CENPI: variants seen among roughly 807,000 people sequenced by gnomAD.
CENPI encodes the protein centromere protein I, also known as FSH primary response 1.
Under a neutral mutation model 60.4 loss-of-function variants are expected in CENPI, and 4 were observed. The ratio of observed to expected loss-of-function variants is 0.07; its 90% confidence interval spans 0.03 to 0.15. The LOEUF is 0.15. Among genes scored for constraint, CENPI ranks in the 10% least tolerant of loss-of-function variants. The probability of loss-of-function intolerance (pLI) is 1.00; values close to 1 mark genes in which losing one functional copy is unlikely to be tolerated. For missense variants in CENPI, 444 were observed against 534.5 expected (o/e 0.83, Z 1.67); for synonymous variants, 157 against 189.4 (o/e 0.83, Z 1.40).
chrX:101,162,709 C>A, intron 21 of CENPI, 124 bp from the exon 22 acceptor site: 1 of 717,441 alleles, frequency 1.4e-6, no homozygotes. Flanking sequence ...CTCATTTCCC[C>A]CCCGAACTAA....
intron 16 of CENPI, among the ~76,000 whole-genome samples, chrX:101,144,639 T>C (rs2089947826): frequency 9.0e-6 from 1 of 111,070 alleles, no homozygotes; most frequent in Non-Finnish European, 1.9e-5. Flanking sequence ...GACCTTCGCC[T>C]CCCTAAGTGC....
At chrX:101,128,578 C>T in intron 11 of CENPI, 138 bp from the exon 12 acceptor site, 2 of 515,899 alleles carry the variant, frequency 3.9e-6, no homozygotes, top group Non-Finnish European at 6.3e-6. Context: ...GATCCTCCTG[C>T]CTCAGCCTCC....
chrX:101,134,839 C>A (rs1202873679), intron 15 of CENPI, among the ~76,000 whole-genome samples: 2 of 110,666 alleles, frequency 1.8e-5, no homozygotes, highest in Non-Finnish European at 3.8e-5. Flanking sequence ...GCCTAGGCAA[C>A]GTGGTGAAAC....
intron 6 of CENPI, among the ~76,000 whole-genome samples, chrX:101,114,620 G>T (rs1602778281): frequency 9.1e-6 from 1 of 109,682 alleles, no homozygotes; most frequent in South Asian, 3.7e-4. Context: ...AGTTTCATCT[G>T]TGTTATAGCA....
In CENPI at chrX:101,099,258, G is replaced by A. The variant is rs777997764; in HGVS notation, c.-14+719G>A. ...AGCCTGGCTAACATGGTGAAACCCA[G>A]TCTCTACTAAAATACAACAAATAGC... On this transcript the variant is annotated intron_variant, in intron 2 of 21. Transcript: ENST00000682095. Among the ~76,000 whole-genome samples, 3 of 110,081 alleles carry A rather than the reference G, an allele frequency of 2.7e-5. No homozygotes were observed. The South Asian group carries it at 1.2e-3, about 43-fold the overall frequency.
At chrX:101,143,935 A>G (rs763267413) in intron 16 of CENPI, among the ~76,000 whole-genome samples, 1 of 111,969 alleles carries the variant, frequency 8.9e-6, no homozygotes, top group East Asian at 2.8e-4. Context: ...TTGCAATGTT[A>G]CTAACAGTAT....
At chrX:101,131,236 C>T (rs2089792993) in intron 13 of CENPI, among the ~76,000 whole-genome samples, 1 of 111,266 alleles carries the variant, frequency 9.0e-6, no homozygotes, top group Non-Finnish European at 1.9e-5. Flanking sequence ...GTCTCAAACT[C>T]CTGGGCTTAA....
At chrX:101,112,962 A>C (rs1463240666) in intron 6 of CENPI, among the ~76,000 whole-genome samples, 1 of 109,709 alleles carries the variant, frequency 9.1e-6, no homozygotes. Context: ...ATTCTAAATA[A>C]GCTTTTTTTT....
intron 15 of CENPI, among the ~76,000 whole-genome samples, chrX:101,133,610 G>A (rs2089818865): frequency 9.1e-6 from 1 of 110,258 alleles, no homozygotes; most frequent in Non-Finnish European, 1.9e-5. Flanking sequence ...GGAATGCACA[G>A]TATTTAATTC....
At chrX:101,150,368 AT>A (rs58825020) in intron 20 of CENPI, among the ~76,000 whole-genome samples, 14,670 of 101,745 alleles carry the variant, frequency 0.14, 839 homozygotes, top group Middle Eastern at 0.22. Context: ...TTGCCTTATT[AT>A]TTTTTTTTTT....
At chrX:101,166,795 C>T (rs2090145560), downstream of CENPI, among the ~76,000 whole-genome samples, 1 of 112,529 alleles carries the variant, frequency 8.9e-6, no homozygotes, top group Admixed American at 9.4e-5. Context: ...GAGTCTTACT[C>T]TGTTGCCAGG....
At chrX:101,129,223 C>T (rs986623943) in intron 12 of CENPI, among the ~76,000 whole-genome samples, 3 of 111,430 alleles carry the variant, frequency 2.7e-5, no homozygotes, top group African/African-American at 6.5e-5. Flanking sequence ...TTCTGGTAAG[C>T]GAAATGCTCA....
intron 18 of CENPI, among the ~76,000 whole-genome samples, chrX:101,146,879 C>T (rs902552231): frequency 6.3e-5 from 7 of 110,467 alleles, no homozygotes; most frequent in Admixed American, 9.7e-5. Context: ...GGATTACAGG[C>T]GCCCGCCACC....
At chrX:101,105,429 C>CAGGAGAATGGCGTGAACCCAGG (rs2089472287) in intron 4 of CENPI, among the ~76,000 whole-genome samples, 1 of 111,630 alleles carries the variant, frequency 9.0e-6, no homozygotes, top group South Asian at 3.7e-4. Flanking sequence ...GAGGCTGAGG[C>CAGGAGAATGGCGTGAACCCAGG]AGGAGAATGG....
At chrX:101,147,060 T>A (rs1443737262) in intron 18 of CENPI, among the ~76,000 whole-genome samples, 1 of 111,898 alleles carries the variant, frequency 8.9e-6, no homozygotes, top group East Asian at 2.8e-4. Context: ...TTGGCATAAC[T>A]TGTAGGACTA....
In CENPI at chrX:101,164,776, C is replaced by T. The variant is rs1467528621; in HGVS notation, c.*1809C>T. Among the ~76,000 whole-genome samples the T allele has an allele frequency of 8.9e-6, 1 of 112,528 alleles. No homozygotes were observed. Among genetic ancestry groups the T allele is most frequent in the Non-Finnish European group, 1.9e-5 (1 of 53,375 alleles). On this transcript the variant is annotated 3_prime_UTR_variant, in exon 22 of 22. Transcript: ENST00000682095. ...CTTTTTTTGTATCTTTTGAGATTAT[C>T]ATATGGCTTTTGTCCTTCATTCTGT...
intron 16 of CENPI, among the ~76,000 whole-genome samples, chrX:101,142,112 T>C (rs1173765418): frequency 8.9e-6 from 1 of 111,923 alleles, no homozygotes; most frequent in Non-Finnish European, 1.9e-5. Flanking sequence ...CCATATTTGT[T>C]CGTTCTCTAT....
rs6621001 is a variant in CENPI, at chrX:101,152,455, C to T, written c.2094+4294C>T. Among the ~76,000 whole-genome samples the T allele has an allele frequency of 7.2e-3, 779 of 108,494 alleles. 7 individuals carry two copies. Among genetic ancestry groups the T allele is most frequent in the African/African-American group, 0.025 (753 of 29,787 alleles). The allele number at this position is 108,494 out of a possible 115,157, so 94.2% of individuals were successfully genotyped here. The stretch of plus-strand genomic sequence containing the variant: ...TTTTTTTGAGACAGTCTTGCTCTGT[C>T]GCCTGGGCTGGAGTGCAGTGGTGCC... On this transcript the variant is annotated intron_variant, in intron 20 of 21. Coordinates refer to ENST00000682095, the MANE Select transcript of CENPI (RefSeq NM_001386188.2).
At chrX:101,132,905 G>A (rs748479827) in intron 15 of CENPI, among the ~76,000 whole-genome samples, 1 of 110,811 alleles carries the variant, frequency 9.0e-6, no homozygotes, top group Non-Finnish European at 1.9e-5. Context: ...AGTAATAGTC[G>A]TTTTCTGCTA....
Sources: gnomAD v4.1 joint callset for allele counts (sites outside exome capture counted in the v4.1 genomes callset) on GRCh38, gnomAD v4.1.1 for gene constraint, MANE v1.5 for transcripts, NCBI Gene and HGNC (gene_info 2026-07-23, HGNC 2026-07-21) for gene names.